Variants in UGT1A4 observed in about 807,000 individuals in gnomAD.
UGT1A4 encodes UDP glucuronosyltransferase family 1 member A4.
Under a neutral mutation model 41.1 loss-of-function variants are expected in UGT1A4, and 32 were observed. That is an observed-to-expected ratio of 0.78 (90% CI 0.59 to 1.05). The LOEUF (loss-of-function observed/expected upper bound fraction) is 1.05. Among genes scored for constraint, UGT1A4 ranks in the 50% least tolerant of loss-of-function variants. The pLI is 0.00. For missense variants in UGT1A4, 748 were observed against 677.4 expected, an observed-to-expected ratio of 1.10 and a Z score of -1.16; for synonymous variants, 283 against 265.1, an observed-to-expected ratio of 1.07 and a Z score of -0.66.
At chr2:233,751,528 T>C (rs1694749369) in intron 1 of UGT1A4, among the ~76,000 whole-genome samples, 1 of 152,240 alleles carries the variant, frequency 6.6e-6, no homozygotes, top group Admixed American at 6.5e-5. Context: ...ATGATATGGT[T>C]TGACTCTGTG....
intron 4 of UGT1A4, chr2:233,771,145 C>T (rs1356050343): frequency 6.6e-6 from 1 of 152,246 alleles, no homozygotes; most frequent in Non-Finnish European, 1.5e-5. Context: ...AAACACCTCC[C>T]ACCAGGCCCC....
intron 1 of UGT1A4, chr2:233,754,900 C>A (rs900398132): frequency 7.4e-7 from 1 of 1,352,224 alleles, no homozygotes; most frequent in African/African-American, 1.5e-5. Flanking sequence ...CTCTGACCCC[C>A]CAAAATATTC....
chr2:233,747,864 C>G, intron 1 of UGT1A4: 2 of 1,613,576 alleles, frequency 1.2e-6, no homozygotes, highest in South Asian at 2.2e-5. Context: ...GCTCTACCCT[C>G]TGGCCCTGTC....
intron 4 of UGT1A4, 143 bp downstream of exon 4, chr2:233,768,582 CTTTTTTTTTTTTT>C (rs139595073): frequency 1.1e-5 from 11 of 1,033,176 alleles, no homozygotes; most frequent in Non-Finnish European, 9.8e-6. Context: ...TTTATTTCTT[CTTTTTTTTTTTTT>C]TTTTTTTTTG....
chr2:233,761,137 A>T, intron 1 of UGT1A4: 2 of 1,614,180 alleles, frequency 1.2e-6, no homozygotes, highest in Non-Finnish European at 1.7e-6. Flanking sequence ...CCTTCACCAA[A>T]ATCCACTATC....
chr2:233,724,170 C>A (rs1159618034), intron 1 of UGT1A4, among the ~76,000 whole-genome samples: 1 of 122,814 alleles, frequency 8.1e-6, no homozygotes, highest in African/African-American at 3.5e-5. Context: ...GCTGACCCCC[C>A]CATCTCCCTC....
At chr2:233,755,280 C>A in intron 1 of UGT1A4, 2 of 709,720 alleles carry the variant, frequency 2.8e-6, no homozygotes, top group Non-Finnish European at 4.3e-6. Flanking sequence ...GCTGGACTGC[C>A]AAAGAGCCTG....
intron 1 of UGT1A4, among the ~76,000 whole-genome samples, chr2:233,758,575 A>G (rs1696915636): frequency 6.6e-6 from 1 of 152,204 alleles, no homozygotes; most frequent in African/African-American, 2.4e-5. Context: ...TAAAAAATGA[A>G]GAGTGTTTGG....
chr2:233,735,687 T>A (rs1251778606), intron 1 of UGT1A4, among the ~76,000 whole-genome samples: 1 of 152,148 alleles, frequency 6.6e-6, no homozygotes, highest in Non-Finnish European at 1.5e-5. Context: ...CTTTAGGAGC[T>A]CTTGTAAGGC....
chr2:233,733,979 A>G (rs1225459712), intron 1 of UGT1A4, among the ~76,000 whole-genome samples: 1 of 152,060 alleles, frequency 6.6e-6, no homozygotes, highest in African/African-American at 2.4e-5. Flanking sequence ...GCGGGGAGGG[A>G]TAGCATTAGG....
chr2:233,757,203 C>G (rs1377755692), intron 1 of UGT1A4, among the ~76,000 whole-genome samples: 1 of 149,926 alleles, frequency 6.7e-6, no homozygotes, highest in Non-Finnish European at 1.5e-5. Context: ...TTTTCTGTGC[C>G]CAGGAAGCTG....
At chr2:233,728,661 G>A (rs577951721) in intron 1 of UGT1A4, among the ~76,000 whole-genome samples, 3 of 152,294 alleles carry the variant, frequency 2.0e-5, no homozygotes, top group South Asian at 2.1e-4. Flanking sequence ...GATGCGCTGC[G>A]TTACTCATAC....
At chr2:233,745,643 G>C (rs1290211026) in intron 1 of UGT1A4, among the ~76,000 whole-genome samples, 1 of 151,416 alleles carries the variant, frequency 6.6e-6, no homozygotes, top group African/African-American at 2.4e-5. Context: ...CTGGCCGAGG[G>C]TAGAGTTCAG....
intron 1 of UGT1A4, chr2:233,755,445 C>T (rs953551785): frequency 7.1e-5 from 22 of 311,136 alleles, no homozygotes; most frequent in South Asian, 1.2e-4. Flanking sequence ...ATGCAGTGCT[C>T]CTGGGACTGG....
At chr2:233,729,075 G>A (rs2077785195) in intron 1 of UGT1A4, 2 of 1,611,914 alleles carry the variant, frequency 1.2e-6, no homozygotes, top group East Asian at 2.2e-5. Flanking sequence ...GAAAGCAAAT[G>A]TAGCAGGCAC....
At chr2:233,752,961 T>G (rs1695097435) in intron 1 of UGT1A4, among the ~76,000 whole-genome samples, 1 of 152,248 alleles carries the variant, frequency 6.6e-6, no homozygotes, top group African/African-American at 2.4e-5. Context: ...ATGGGATTTA[T>G]GTAACCAATT....
At chr2:233,758,613 T>TGCATGC (rs1429486776) in intron 1 of UGT1A4, among the ~76,000 whole-genome samples, 2 of 152,164 alleles carry the variant, frequency 1.3e-5, no homozygotes, top group Non-Finnish European at 2.9e-5. Flanking sequence ...AGTGTGCATG[T>TGCATGC]GCATGCAAAG....
At chr2:233,743,990 C>G (rs541433916) in intron 1 of UGT1A4, 2 of 1,267,322 alleles carry the variant, frequency 1.6e-6, no homozygotes, top group South Asian at 2.6e-5. Context: ...GGCGCAGGCC[C>G]GAGTGCTCGG....
At position 233,769,766 on chromosome 2, in the gene UGT1A4, G is replaced by A; in HGVS notation, c.1307+1327G>A. On this transcript the variant is annotated intron_variant, in intron 4 of 4. Transcript: ENST00000373409. The surrounding 1 kb of genome is among the most constrained non-coding windows in gnomAD (Gnocchi z 4.4). The stretch of plus-strand genomic sequence containing the variant: ...GCCACTCTGGAGGCTAAGGCGGGAG[G>A]ATTGCTTGAGCCCAGAAGTTGGAGG... The A allele has an allele frequency of 1.4e-6, 2 of 1,395,536 alleles. No homozygotes were observed. Among genetic ancestry groups the A allele is most frequent in the South Asian group, 1.6e-5 (1 of 62,382 alleles). The allele number at this position is 1,395,536 out of a possible 1,614,324, so 86.4% of individuals were successfully genotyped here.
Sources: allele counts gnomAD v4.1 joint callset (sites outside exome capture counted in the v4.1 genomes callset), GRCh38; gene constraint gnomAD v4.1.1; non-coding constraint Gnocchi (gnomAD v3.1); transcripts MANE v1.5; gene names NCBI Gene and HGNC (gene_info 2026-07-23, HGNC 2026-07-21).